Variants in UTP25 observed in about 807,000 individuals in gnomAD.
UTP25 encodes U3 small nucleolar RNA-associated protein 25 homolog.
In UTP25, 50 loss-of-function variants were observed where a neutral mutation model predicts 78.9. The observed-to-expected ratio is 0.63, with a 90% CI of 0.50 to 0.80. The LOEUF is 0.80. UTP25 is among the 30% of genes least tolerant of loss of function. UTP25 has a pLI of 0.00. For missense variants in UTP25, 846 were observed against 911.3 expected (o/e 0.93, Z 0.92); for synonymous variants, 329 against 336.5 (o/e 0.98, Z 0.24).
Position 209,830,945 on chromosome 1 carries a change from A to C in UTP25, c.290A>C (p.Asp97Ala). 6.2e-7 allele frequency: 1 copy of C among 1,613,884 alleles called. No individual in the cohort carries two copies. Reference protein sequence around the residue: ...EEDEEEEEEEDSIVDDAEMND... With the variant: ...EEDEEEEEEEASIVDDAEMND... ...GATGAGGAGGAGGAAGAGGAAGAAGACAGTATTGTAGATGATGCAGAAATG... is the reference window on the plus strand; with the variant it reads ...GATGAGGAGGAGGAAGAGGAAGAAGCCAGTATTGTAGATGATGCAGAAATG... Residue 97 changes from aspartate (D) to alanine (A), a missense_variant, in exon 3 of 12, where the codon GAC becomes GCC. By Grantham distance (126) the Asp-to-Ala change is moderately radical (BLOSUM62 -2). Coordinates refer to ENST00000491415, the MANE Select transcript of UTP25 (RefSeq NM_014388.7).
chr1:209,836,746 A>C, intron 5 of UTP25, 55 bp from the exon 6 acceptor site: 2 of 1,525,148 alleles, frequency 1.3e-6, no homozygotes, highest in Non-Finnish European at 1.8e-6. Flanking sequence ...TACTATGTGA[A>C]TGTAATTTAC....
intron 10 of UTP25, 162 bp downstream of exon 10, chr1:209,842,857 C>A: frequency 1.6e-6 from 1 of 619,028 alleles, no homozygotes; most frequent in Non-Finnish European, 2.8e-6. Context: ...GAAACTGAAG[C>A]ACAGAGAGAA....
At chr1:209,828,758 T>C (rs975109409) in intron 1 of UTP25, among the ~76,000 whole-genome samples, 5 of 142,844 alleles carry the variant, frequency 3.5e-5, no homozygotes, top group South Asian at 2.2e-4. Flanking sequence ...TAGACACACA[T>C]ATATATATGT....
At chr1:209,848,584 G>A (rs573612908) in intron 11 of UTP25, among the ~76,000 whole-genome samples, 3 of 152,110 alleles carry the variant, frequency 2.0e-5, no homozygotes, top group Non-Finnish European at 4.4e-5. Flanking sequence ...AGGAAAACTC[G>A]TTAGCACAGA....
Position 209,838,872 on chromosome 1 carries a change from T to A in UTP25, c.1063-37T>A, listed in dbSNP as rs1314224227. 4.4e-6 allele frequency: 7 copies of A among 1,606,962 alleles called. No individual in the cohort carries two copies. The Admixed American group carries it at 1.2e-4, about 27-fold the overall frequency. On this transcript the variant is annotated intron_variant, in intron 6 of 11. Transcript: ENST00000491415. Reference sequence around the variant, plus strand: ...TTCACCTCAAGATCCTGTTCCTTCCTCTTACCCCACTAAGGCTGCTGTTGC... The same window carrying A: ...TTCACCTCAAGATCCTGTTCCTTCCACTTACCCCACTAAGGCTGCTGTTGC...
chr1:209,834,512 G>A (rs1455405505), intron 4 of UTP25, among the ~76,000 whole-genome samples: 1 of 152,324 alleles, frequency 6.6e-6, no homozygotes, highest in South Asian at 2.1e-4. Flanking sequence ...AGACCTTGCA[G>A]TCTGCTAGAT....
At position 209,856,703 on chromosome 1, in the gene UTP25, C is replaced by T. The variant is rs1306023578; in HGVS notation, c.*5256C>T. ...CACAGACTCCTGAACTCCAAAGACA[C>T]TGCCTATTCTTTCGTCTGTTCTTGG... is the stretch of plus-strand genomic sequence containing the variant. On this transcript the variant is annotated 3_prime_UTR_variant, in exon 12 of 12. Transcript: ENST00000491415. The T allele has an allele frequency of 6.6e-6, 1 of 152,254 alleles. No homozygotes were observed. Among genetic ancestry groups the T allele is most frequent in the Non-Finnish European group, 1.5e-5 (1 of 68,064 alleles). The allele number at this position is 152,254 out of a possible 1,614,324, so 9.4% of individuals were successfully genotyped here. A position where few individuals can be genotyped will look rare whatever the true frequency, so the allele number is the denominator to read the frequency against.
rs978719975 is a variant in UTP25 at position 209,853,279 on chromosome 1, C to T, written c.*1832C>T. On this transcript the variant is annotated 3_prime_UTR_variant, in exon 12 of 12. Transcript: ENST00000491415. ...AATTGTGCTGCTGTTTATCATAGAT[C>T]CTGTATATTATGAGAATAAGAAATG... 2 of 151,930 alleles carry T rather than the reference C, an allele frequency of 1.3e-5. No homozygotes were observed. The highest frequency in any genetic ancestry group is 1.3e-4 in the Admixed American group (2 of 15,254). The allele number at this position is 151,930 out of a possible 1,614,324, so 9.4% of individuals were successfully genotyped here.
At chr1:209,847,847 A>G (rs1369733052) in intron 11 of UTP25, among the ~76,000 whole-genome samples, 2 of 152,270 alleles carry the variant, frequency 1.3e-5, no homozygotes, top group African/African-American at 4.8e-5. Flanking sequence ...TTCACAGGAC[A>G]GCCCCCAACC....
Position 209,855,494 on chromosome 1 carries a change from C to T in UTP25, c.*4047C>T, listed in dbSNP as rs539535616. On this transcript the variant is annotated 3_prime_UTR_variant, in exon 12 of 12. Coordinates refer to ENST00000491415, the MANE Select transcript of UTP25 (RefSeq NM_014388.7). ...GGTTTTCTCAGTATAGCCCTATGCT[C>T]AAAAGGAGTGAGGACAGGTATGTGA... 6.6e-6 allele frequency: 1 copy of T among 152,384 alleles called. No individual in the cohort carries two copies. Among genetic ancestry groups the T allele is most frequent in the African/African-American group, 2.4e-5 (1 of 41,578 alleles). 9.4% of individuals were successfully genotyped at this position (152,384 alleles called of 1,614,324 possible).
chr1:209,835,086 C>T lies in UTP25; in HGVS notation c.574C>T (p.Gln192Ter), dbSNP rs1249457701. 1 of 1,613,018 alleles carries T rather than the reference C, an allele frequency of 6.2e-7. No homozygotes were observed. Among genetic ancestry groups the T allele is most frequent in the Non-Finnish European group, 8.5e-7 (1 of 1,179,400 alleles). ...TATTTCTGAATTAGATCCATTTCTT[C>T]AACATGTGAACAAAGAACTGAAAGA... ...SLKASQDPFL[Q>*]HVNKELKEKA... The change falls in exon 5 of 12, where the codon CAA becomes TAA. Residue 192 changes from glutamine (Q) to a stop codon, truncating the protein, a stop_gained. Coordinates refer to ENST00000491415, the MANE Select transcript of UTP25 (RefSeq NM_014388.7). LOFTEE classifies it high-confidence loss of function.
chr1:209,848,335 A>C (rs2078209887), intron 11 of UTP25, among the ~76,000 whole-genome samples: 1 of 152,192 alleles, frequency 6.6e-6, no homozygotes, highest in Non-Finnish European at 1.5e-5. Context: ...GGTGATGCCA[A>C]ATCACTAAAA....
rs2078268991 is a variant in UTP25, at chr1:209,855,470, G to A, written c.*4023G>A. On this transcript the variant is annotated 3_prime_UTR_variant, in exon 12 of 12. Transcript: ENST00000491415. ...CTCCAGGCCTTTTTCAAACAAACTGGTTTTCTCAGTATAGCCCTATGCTCA... is the reference window on the plus strand; with the variant it reads ...CTCCAGGCCTTTTTCAAACAAACTGATTTTCTCAGTATAGCCCTATGCTCA... The A allele has an allele frequency of 6.6e-6, 1 of 152,254 alleles. No individual in the cohort carries two copies. Among genetic ancestry groups the A allele is most frequent in the South Asian group, 2.1e-4 (1 of 4,834 alleles). The allele number at this position is 152,254 out of a possible 1,614,324, so 9.4% of individuals were successfully genotyped here.
Position 209,856,039 on chromosome 1 carries a change from C to G in UTP25, c.*4592C>G, listed in dbSNP as rs781757743. 2.6e-5 allele frequency: 4 copies of G among 152,270 alleles called. No individual in the cohort carries two copies. Among genetic ancestry groups the G allele is most frequent in the Non-Finnish European group, 5.9e-5 (4 of 68,066 alleles). 9.4% of individuals were successfully genotyped at this position (152,270 alleles called of 1,614,324 possible). The stretch of plus-strand genomic sequence containing the variant: ...CAGCTGGTGTTTGTCCACAGATGTT[C>G]ATGGGTTTCTTTGTGTTCTCTCATT... On this transcript the variant is annotated 3_prime_UTR_variant, in exon 12 of 12. Coordinates refer to ENST00000491415, the MANE Select transcript of UTP25 (RefSeq NM_014388.7).
chr1:209,837,124 G>C lies in UTP25; in HGVS notation c.975G>C (p.Val325=). The C allele has an allele frequency of 1.2e-6, 2 of 1,614,144 alleles. No individual in the cohort carries two copies. Among genetic ancestry groups the C allele is most frequent in the South Asian group, 1.1e-5 (1 of 91,082 alleles). ...ACATCCTCAAAGCCAATGCCCAGGT[G>C]CTTGGCAACAATAGCAGACGCCGAA... ...INHILKANAQ[V]LGNNSRRRSQ... is the part of the protein sequence containing the mutation. The change falls in exon 6 of 12, where the codon GTG becomes GTC. Residue 325 remains valine (V), a synonymous_variant. Coordinates refer to ENST00000491415, the MANE Select transcript of UTP25 (RefSeq NM_014388.7).
chr1:209,855,885 GAC>G lies in UTP25; in HGVS notation c.*4442_*4443del, dbSNP rs1396023339. ...TCTACCTTTTGCCAACCTAAGGAAT[GAC>G]ACAGAGCATGGAGCACCATCACTGA... On this transcript the variant is annotated 3_prime_UTR_variant, in exon 12 of 12. Transcript: ENST00000491415. 6.6e-6 allele frequency: 1 copy of G among 152,364 alleles called. No homozygotes were observed. The highest frequency in any genetic ancestry group is 2.4e-5 in the African/African-American group (1 of 41,456). 9.4% of individuals were successfully genotyped at this position (152,364 alleles called of 1,614,324 possible).
At position 209,853,180 on chromosome 1, in the gene UTP25, T is replaced by TA. The variant is rs2078250830; in HGVS notation, c.*1734dup. The TA allele has an allele frequency of 6.6e-6, 1 of 152,220 alleles. No homozygotes were observed. The highest frequency in any genetic ancestry group is 6.5e-5 in the Admixed American group (1 of 15,286). The allele number at this position is 152,220 out of a possible 1,614,324, so 9.4% of individuals were successfully genotyped here. On this transcript the variant is annotated 3_prime_UTR_variant, in exon 12 of 12. Coordinates refer to ENST00000491415, the MANE Select transcript of UTP25 (RefSeq NM_014388.7). ...TTTTCTAAATTTCAGAAAATTTAGT[T>TA]AGATAAAAGCCGACCGAACCCATGC...
At chr1:209,830,032 T>A in intron 1 of UTP25, 76 bp from the exon 2 acceptor site, 1 of 1,324,534 alleles carries the variant, frequency 7.5e-7, no homozygotes, top group Non-Finnish European at 1.1e-6. Flanking sequence ...GCCTTTTTCA[T>A]TTAACATCTC....
At chr1:209,835,236 G>A in intron 5 of UTP25, 73 bp downstream of exon 5, 1 of 1,322,590 alleles carries the variant, frequency 7.6e-7, no homozygotes, top group South Asian at 1.2e-5. Flanking sequence ...GGGTTTTAGT[G>A]GCCTCCCAGA....
Sources: allele counts gnomAD v4.1 joint callset (sites outside exome capture counted in the v4.1 genomes callset), GRCh38; gene constraint gnomAD v4.1.1; transcripts MANE v1.5; gene names NCBI Gene and HGNC (gene_info 2026-07-23, HGNC 2026-07-21).